The following ARHGAP29 variants were observed in gnomAD, a reference collection of about 807,000 sequenced individuals.
The protein encoded by ARHGAP29 is Rho GTPase activating protein 29.
A neutral mutation model predicts 122.6 loss-of-function variants in ARHGAP29; 43 were observed. That is an observed-to-expected ratio of 0.35 (90% CI 0.27 to 0.45). The LOEUF (loss-of-function observed/expected upper bound fraction) is 0.45. Among genes scored for constraint, ARHGAP29 ranks in the 20% least tolerant of loss-of-function variants. The probability of loss-of-function intolerance (pLI) is 1.00; values close to 1 mark genes in which losing one functional copy is unlikely to be tolerated. For missense variants in ARHGAP29, 1,303 were observed against 1,477.2 expected (o/e 0.88, Z 1.93); for synonymous variants, 506 against 497.1 (o/e 1.02, Z -0.24).
At chr1:94,182,216 G>A (rs554280820) in intron 19 of ARHGAP29, among the ~76,000 whole-genome samples, 2 of 152,038 alleles carry the variant, frequency 1.3e-5, no homozygotes, top group East Asian at 3.9e-4. Flanking sequence ...GAATGAAATA[G>A]TTAATAGCAA....
At chr1:94,292,717 G>A in the ARHGAP29 span, among the ~76,000 whole-genome samples, 1 of 152,174 alleles carries the variant, frequency 6.6e-6, no homozygotes, top group Non-Finnish European at 1.5e-5. Context: ...AGGCCCCTCA[G>A]CTGCAGGTCT....
intron 12 of ARHGAP29, among the ~76,000 whole-genome samples, chr1:94,200,451 GA>G (rs1650767601): frequency 6.6e-6 from 1 of 152,146 alleles, no homozygotes; most frequent in African/African-American, 2.4e-5. Context: ...TGGTTAGAAT[GA>G]AAAATATTAT....
chr1:94,238,926 T>C (rs764338347), upstream of ARHGAP29, among the ~76,000 whole-genome samples: 7 of 151,900 alleles, frequency 4.6e-5, no homozygotes, highest in African/African-American at 7.3e-5. Context: ...GCTAAGAAAA[T>C]ACAACAAATT....
chr1:94,269,149 C>G (rs1654896394), intron 1 of ARHGAP29, among the ~76,000 whole-genome samples: 1 of 152,030 alleles, frequency 6.6e-6, no homozygotes, highest in Non-Finnish European at 1.5e-5. Flanking sequence ...CTGCTTTTAC[C>G]TAAATTAAAC....
intron 1 of ARHGAP29, among the ~76,000 whole-genome samples, chr1:94,236,484 C>T (rs1653268638): frequency 6.6e-6 from 1 of 152,198 alleles, no homozygotes; most frequent in Non-Finnish European, 1.5e-5. Flanking sequence ...ACAAGAGATA[C>T]AGTCACAGAG....
At chr1:94,304,531 C>T in the ARHGAP29 span, among the ~76,000 whole-genome samples, 1 of 152,216 alleles carries the variant, frequency 6.6e-6, no homozygotes, top group Non-Finnish European at 1.5e-5. Flanking sequence ...CTCCTCTTCA[C>T]TACTACAGTG....
chr1:94,283,460 C>T, the ARHGAP29 span, among the ~76,000 whole-genome samples: 1 of 152,056 alleles, frequency 6.6e-6, no homozygotes, highest in East Asian at 1.9e-4. Context: ...TTTTAAAATG[C>T]CCCCAGTTCA....
At chr1:94,311,926 C>T in the ARHGAP29 span, among the ~76,000 whole-genome samples, 4 of 152,146 alleles carry the variant, frequency 2.6e-5, no homozygotes, top group South Asian at 2.1e-4. Context: ...TCTCTTCTTC[C>T]GCCATGCAAT....
chr1:94,190,008 T>A lies in ARHGAP29; in HGVS notation c.1357A>T (p.Ser453Cys), dbSNP rs756862814. The stretch of plus-strand genomic sequence containing the variant: ...TGGCCTGGGTCATAGAGTTTGGCAC[T>A]ATCACAGAGAGACTGTAAACTGTCT... ...LADSLQSLCD[S>C]AKLYDPGQEY... The change falls in exon 13 of 23, where the codon AGT (serine) becomes TGT (cysteine). Residue 453 changes from serine to cysteine, a missense_variant. Transcript: ENST00000260526. 3 of 1,613,566 alleles carry A rather than the reference T, an allele frequency of 1.9e-6. No homozygotes were observed. The highest frequency in any genetic ancestry group is 2.5e-6 in the Non-Finnish European group (3 of 1,179,636).
intron 22 of ARHGAP29, chr1:94,176,810 T>G (rs1029155655): frequency 6.6e-6 from 1 of 152,182 alleles, no homozygotes; most frequent in African/African-American, 2.4e-5. Flanking sequence ...TTTCACCATG[T>G]TGGCCAAGCT....
At position 94,201,459 on chromosome 1, in the gene ARHGAP29, TCCTTCCTCCCTC is replaced by T. The variant is rs573350186; in HGVS notation, c.1281+249_1281+260del. 1.8e-4 allele frequency among the ~76,000 whole-genome samples: 27 copies of T among 150,686 alleles called. No homozygotes were observed. In the South Asian group the frequency reaches 3.5e-3, roughly 19 times the overall value. On this transcript the variant is annotated intron_variant, in intron 12 of 22. Transcript: ENST00000260526. ...TTCTCTTTCTTTTCCCTCCCTCCCT[TCCTTCCTCCCTC>T]CCTTCTTTCCTCCCTCCCTTCTTTC...
intron 20 of ARHGAP29, among the ~76,000 whole-genome samples, chr1:94,178,884 A>G (rs568233364): frequency 6.6e-5 from 10 of 152,300 alleles, no homozygotes; most frequent in East Asian, 1.9e-4. Flanking sequence ...CAGATGCACA[A>G]TGAGCTCATG....
chr1:94,286,788 A>G, the ARHGAP29 span, among the ~76,000 whole-genome samples: 14 of 152,214 alleles, frequency 9.2e-5, no homozygotes, highest in Non-Finnish European at 1.9e-4. Flanking sequence ...TTGGTATGTT[A>G]GAAGTCAAAG....
At chr1:94,223,594 A>C (rs553719449) in intron 2 of ARHGAP29, among the ~76,000 whole-genome samples, 1 of 152,234 alleles carries the variant, frequency 6.6e-6, no homozygotes, top group East Asian at 1.9e-4. Context: ...ACTAAAAAAA[A>C]CTATATATAC....
chr1:94,289,109 T>G, the ARHGAP29 span, among the ~76,000 whole-genome samples: 43 of 152,358 alleles, frequency 2.8e-4, no homozygotes, highest in South Asian at 2.5e-3. Context: ...TACTGATTCT[T>G]CCTATCCATG....
At chr1:94,185,676 G>C (rs113365419) in intron 16 of ARHGAP29, among the ~76,000 whole-genome samples, 195 bp from the exon 17 acceptor site, 2,036 of 152,216 alleles carry the variant, frequency 0.013, 47 homozygotes, top group African/African-American at 0.047. Context: ...GCACATTTAT[G>C]AAACATTTTA....
intron 12 of ARHGAP29, among the ~76,000 whole-genome samples, chr1:94,199,265 T>C (rs181839922): frequency 5.3e-5 from 8 of 152,084 alleles, no homozygotes; most frequent in Admixed American, 2.0e-4. Context: ...AGTACTTCAG[T>C]GCAACAAAAT....
chr1:94,220,419 T>C, intron 2 of ARHGAP29, 27 bp from the exon 3 acceptor site: 1 of 1,539,946 alleles, frequency 6.5e-7, no homozygotes, highest in South Asian at 1.2e-5. Context: ...AAATAATTTA[T>C]TTCCAGAGCA....
intron 5 of ARHGAP29, among the ~76,000 whole-genome samples, chr1:94,208,214 C>T (rs1189208989): frequency 6.6e-6 from 1 of 152,180 alleles, no homozygotes; most frequent in Non-Finnish European, 1.5e-5. Context: ...GATCCTCCCA[C>T]CTTGGCCTCT....
Sources: allele counts gnomAD v4.1 joint callset (sites outside exome capture counted in the v4.1 genomes callset), GRCh38; gene constraint gnomAD v4.1.1; transcripts MANE v1.5; gene names NCBI Gene and HGNC (gene_info 2026-07-23, HGNC 2026-07-21).